PCDHA9: variants seen among roughly 807,000 people sequenced by gnomAD.
PCDHA9 encodes protocadherin alpha 9.
PCDHA9 carries 62 observed loss-of-function variants against 62.0 expected under a neutral mutation model. The ratio of observed to expected loss-of-function variants is 1.00; its 90% CI spans 0.81 to 1.23. PCDHA9 has a LOEUF of 1.23. Ranked by LOEUF, PCDHA9 falls within the 50% of genes most tolerant of loss-of-function variation. The pLI is 0.00. For synonymous variants in PCDHA9, 557 were observed against 567.6 expected, an observed-to-expected ratio of 0.98 and a Z score of 0.27; for missense variants, 1,205 against 1,249.8, an observed-to-expected ratio of 0.96 and a Z score of 0.54.
Position 141,000,369 on chromosome 5 carries a change from C to CTG in PCDHA9, c.2543-9257_2543-9256insGT, listed in dbSNP as rs1469177188. On this transcript the variant is annotated intron_variant, in intron 3 of 3. Coordinates refer to ENST00000532602, the MANE Select transcript of PCDHA9 (RefSeq NM_031857.2). ...TCTCTCTGTCTCTCTCTGTCTCTCT[C>CTG]TCTCTCTCTCTCTCTCTCTCTCTCT... Among the ~76,000 whole-genome samples, 12 of 35,276 alleles carry CTG rather than the reference C, an allele frequency of 3.4e-4. No individual in the cohort carries two copies. In the East Asian group the frequency reaches 5.7e-3, roughly 17 times the overall value. The allele number at this position is 35,276 out of a possible 152,430, so 23.1% of individuals were successfully genotyped here.
intron 1 of PCDHA9, among the ~76,000 whole-genome samples, chr5:140,976,370 G>A (rs1392898202): frequency 6.6e-6 from 1 of 152,018 alleles, no homozygotes; most frequent in Non-Finnish European, 1.5e-5. Context: ...GGCCAACATG[G>A]TGAAACCCCA....
chr5:140,947,760 A>G (rs1332466215), intron 1 of PCDHA9, among the ~76,000 whole-genome samples: 1 of 151,618 alleles, frequency 6.6e-6, no homozygotes, highest in Admixed American at 6.6e-5. Context: ...TTATGGTTTA[A>G]AAAATTCTAT....
intron 1 of PCDHA9, chr5:140,876,529 A>G (rs375358450): frequency 1.2e-5 from 19 of 1,614,034 alleles, no homozygotes; most frequent in Non-Finnish European, 1.5e-5. Context: ...AGTAATGGTT[A>G]CTTCACTGTC....
chr5:140,914,528 A>G (rs1333576504), intron 1 of PCDHA9, among the ~76,000 whole-genome samples: 2 of 152,114 alleles, frequency 1.3e-5, no homozygotes, highest in African/African-American at 4.8e-5. Flanking sequence ...TCATCCATTC[A>G]GCCACTTTAT....
chr5:140,890,788 T>C (rs892426818), intron 1 of PCDHA9, among the ~76,000 whole-genome samples: 1 of 152,222 alleles, frequency 6.6e-6, no homozygotes, highest in Non-Finnish European at 1.5e-5. Flanking sequence ...AAGATATTAG[T>C]ATTATTTTAT....
intron 2 of PCDHA9, among the ~76,000 whole-genome samples, chr5:140,982,139 A>G (rs1381844546): frequency 1.3e-5 from 2 of 152,260 alleles, no homozygotes; most frequent in Non-Finnish European, 2.9e-5. Flanking sequence ...AGCCCTCCTC[A>G]TCTGCTTCAG....
intron 1 of PCDHA9, chr5:140,876,005 T>C: frequency 6.2e-7 from 1 of 1,613,854 alleles, no homozygotes; most frequent in African/African-American, 1.3e-5. Context: ...AATGAGAATT[T>C]TGAGCTTAAA....
At chr5:140,967,025 C>G (rs2153750258) in intron 1 of PCDHA9, 1 of 1,608,362 alleles carries the variant, frequency 6.2e-7, no homozygotes, top group Middle Eastern at 1.7e-4. Flanking sequence ...TGCGCCCAGT[C>G]CGCGCTACCT....
chr5:140,882,335 GCCTGGGAGACGGGTAGTGGCCAGCT>G (rs1554173599), intron 1 of PCDHA9: 11 of 1,614,078 alleles, frequency 6.8e-6, no homozygotes, highest in Non-Finnish European at 9.3e-6. Flanking sequence ...GATCCTCGCA[GCCTGGGAGACGGGTAGTGGCCAGCT>G]CCACTACTCC....
intron 1 of PCDHA9, among the ~76,000 whole-genome samples, chr5:140,947,308 A>G (rs1554218155): frequency 1.3e-5 from 2 of 151,606 alleles, no homozygotes; most frequent in Non-Finnish European, 3.0e-5. Context: ...ACATCTTTGT[A>G]AAAAGTCGGT....
chr5:140,858,904 C>A (rs2045655579), intron 1 of PCDHA9: 1 of 197,854 alleles, frequency 5.1e-6, no homozygotes, highest in East Asian at 1.5e-4. Context: ...TGTAGCGTAC[C>A]ACAGCTTATA....
intron 1 of PCDHA9, among the ~76,000 whole-genome samples, chr5:140,911,608 T>C (rs1045101856): frequency 1.3e-5 from 2 of 152,180 alleles, no homozygotes; most frequent in Non-Finnish European, 2.9e-5. Context: ...TTCATTATGT[T>C]CCTTAGTTCC....
At chr5:140,890,217 G>T (rs2153429721) in intron 1 of PCDHA9, among the ~76,000 whole-genome samples, 1 of 152,142 alleles carries the variant, frequency 6.6e-6, no homozygotes, top group South Asian at 2.1e-4. Context: ...TTTTCCCAGA[G>T]ACCTAGTTGT....
At chr5:140,983,885 T>C (rs74936593) in intron 3 of PCDHA9, among the ~76,000 whole-genome samples, 2,965 of 152,290 alleles carry the variant, frequency 0.019, 72 homozygotes, top group African/African-American at 0.056. Flanking sequence ...ACTGGCAACT[T>C]TAAGGGCATT....
intron 3 of PCDHA9, among the ~76,000 whole-genome samples, chr5:140,994,862 G>A (rs1434007632): frequency 1.3e-5 from 2 of 152,174 alleles, no homozygotes; most frequent in African/African-American, 4.8e-5. Flanking sequence ...TTTGATGGAT[G>A]TGGTAGAATA....
At chr5:140,926,438 G>A (rs2083248814) in intron 1 of PCDHA9, 1 of 154,646 alleles carries the variant, frequency 6.5e-6, no homozygotes, top group African/African-American at 2.4e-5. Flanking sequence ...TTAAGATCTG[G>A]GCAGCCTCAG....
rs140680694 is a variant in PCDHA9, at chr5:140,925,580, G to A, written c.2395-53369G>A. 5.4e-3 allele frequency among the ~76,000 whole-genome samples: 819 copies of A among 151,688 alleles called. 10 individuals carry two copies. The highest frequency in any genetic ancestry group is 0.019 in the African/African-American group (777 of 41,364). On this transcript the variant is annotated intron_variant, in intron 1 of 3. Transcript: ENST00000532602. ...GTTAATGGGTGCAGCACACCAACATGGCGCATGTATACATATGTAACAAAC... is the reference window on the plus strand; with the variant it reads ...GTTAATGGGTGCAGCACACCAACATAGCGCATGTATACATATGTAACAAAC...
chr5:140,857,982 G>C lies in PCDHA9; in HGVS notation c.2394+7093G>C, dbSNP rs782329809. The C allele has an allele frequency of 6.9e-6, 11 of 1,596,698 alleles. No individual in the cohort carries two copies. In the Admixed American group the frequency reaches 1.9e-4, roughly 27 times the overall value. ...GATGAGACTGACTCGCCACGCCAGC[G>C]CCTACTGGTGCTGGTGAAGGACCAT... On this transcript the variant is annotated intron_variant, in intron 1 of 3. Transcript: ENST00000532602.
At chr5:140,858,949 G>A in intron 1 of PCDHA9, 1 of 158,970 alleles carries the variant, frequency 6.3e-6, no homozygotes, top group Non-Finnish European at 1.4e-5. Flanking sequence ...AGTGATTACA[G>A]CTTTTTCTCA....
Sources: gnomAD v4.1 joint callset for allele counts (sites outside exome capture counted in the v4.1 genomes callset) on GRCh38, gnomAD v4.1.1 for gene constraint, MANE v1.5 for transcripts, NCBI Gene and HGNC (gene_info 2026-07-23, HGNC 2026-07-21) for gene names.